NEBL: variants seen among roughly 807,000 people sequenced by gnomAD.
NEBL encodes the protein nebulette.
A neutral mutation model predicts 140.2 loss-of-function variants in NEBL; 122 were observed. The ratio of observed to expected loss-of-function variants is 0.87; its 90% CI spans 0.75 to 1.01. NEBL has a LOEUF of 1.01. Among genes scored for constraint, NEBL ranks in the 50% least tolerant of loss-of-function variants. The probability of loss-of-function intolerance (pLI) is 0.00; values close to 1 mark genes in which losing one functional copy is unlikely to be tolerated. For synonymous variants in NEBL, 436 were observed against 398.9 expected (o/e 1.09, Z -1.11); for missense variants, 1,365 against 1,231.3 (o/e 1.11, Z -1.62).
chr10:21,281,821 C>A (rs916221568), intron 1 of NEBL, among the ~76,000 whole-genome samples: 2 of 152,196 alleles, frequency 1.3e-5, no homozygotes, highest in Non-Finnish European at 2.9e-5. Flanking sequence ...TGTCCTCCCC[C>A]TTCTCATCCC....
intron 4 of NEBL, among the ~76,000 whole-genome samples, chr10:20,948,457 C>CT (rs1160530599): frequency 6.6e-6 from 1 of 152,150 alleles, no homozygotes; most frequent in Non-Finnish European, 1.5e-5. Context: ...TAAATAATGG[C>CT]TTACCCTTCA....
At chr10:20,798,638 G>T (rs995643406) in intron 26 of NEBL, among the ~76,000 whole-genome samples, 1 of 152,026 alleles carries the variant, frequency 6.6e-6, no homozygotes, top group Non-Finnish European at 1.5e-5. Context: ...AGCTCTTCCC[G>T]AAAAGCTTTC....
chr10:20,938,393 G>A (rs184941909), intron 4 of NEBL, among the ~76,000 whole-genome samples: 1 of 152,204 alleles, frequency 6.6e-6, no homozygotes, highest in Admixed American at 6.5e-5. Flanking sequence ...CTGTTAGAAG[G>A]AAAACTAACA....
At chr10:21,112,150 G>C (rs889424344) in intron 2 of NEBL, among the ~76,000 whole-genome samples, 1 of 152,060 alleles carries the variant, frequency 6.6e-6, no homozygotes, top group Non-Finnish European at 1.5e-5. Flanking sequence ...TGGGAGTGTA[G>C]ATTAGTTCAA....
At chr10:21,167,213 C>T (rs898875017) in intron 2 of NEBL, among the ~76,000 whole-genome samples, 1 of 152,122 alleles carries the variant, frequency 6.6e-6, no homozygotes, top group African/African-American at 2.4e-5. Context: ...CAACACTCAG[C>T]GCCTGCTGTT....
At chr10:20,989,464 G>A (rs966004942) in intron 3 of NEBL, among the ~76,000 whole-genome samples, 1 of 152,036 alleles carries the variant, frequency 6.6e-6, no homozygotes, top group African/African-American at 2.4e-5. Flanking sequence ...TAGCTTCAAC[G>A]TAACTCCAAC....
intron 4 of NEBL, among the ~76,000 whole-genome samples, chr10:20,950,913 C>A (rs529395591): frequency 2.0e-5 from 3 of 152,216 alleles, no homozygotes; most frequent in African/African-American, 7.2e-5. Flanking sequence ...TAAACACAGG[C>A]AAATTCTAAC....
At chr10:21,010,419 A>AT (rs35635365) in intron 3 of NEBL, among the ~76,000 whole-genome samples, 7,587 of 140,684 alleles carry the variant, frequency 0.054, 219 homozygotes, top group African/African-American at 0.08. Flanking sequence ...GAATTTTTTA[A>AT]TTTTTTTTTT....
At chr10:21,060,374 A>T (rs1174351389) in intron 2 of NEBL, among the ~76,000 whole-genome samples, 5 of 152,210 alleles carry the variant, frequency 3.3e-5, no homozygotes, top group Non-Finnish European at 5.9e-5. Flanking sequence ...CAAGGCACAG[A>T]ATTTTAGAGA....
At chr10:21,087,747 T>C (rs569964005) in intron 2 of NEBL, among the ~76,000 whole-genome samples, 3 of 152,354 alleles carry the variant, frequency 2.0e-5, no homozygotes, top group African/African-American at 7.2e-5. Flanking sequence ...CCACCCTAGT[T>C]TGCAGCCCTG....
chr10:21,073,983 G>A (rs1835943496), intron 2 of NEBL, among the ~76,000 whole-genome samples: 1 of 152,080 alleles, frequency 6.6e-6, no homozygotes, highest in African/African-American at 2.4e-5. Context: ...GCTGAGGCAG[G>A]AGGATGGCGT....
rs1405704518 is a variant in NEBL, at chr10:20,814,009, C to T, written c.2276G>A (p.Gly759Asp). The T allele has an allele frequency of 6.2e-7, 1 of 1,609,978 alleles. No individual in the cohort carries two copies. The highest frequency in any genetic ancestry group is 1.3e-5 in the African/African-American group (1 of 74,804). Residue 759 changes from glycine (G) to aspartate (D), a missense_variant, in exon 23 of 28, where the codon GGT becomes GAT. Physicochemically the swap from Gly to Asp is moderately conservative, Grantham distance 94. Transcript: ENST00000377122. Reference protein sequence around the residue: ...KYTQDHKQMKGRPSLILDTPA... With the variant: ...KYTQDHKQMKDRPSLILDTPA... ...TGTATCTAAAATCAGACTTGGTCTA[C>T]CTTTCATCTGTTTATGGTCCTGGGT... is the stretch of plus-strand genomic sequence containing the variant.
chr10:20,898,785 C>G (rs766818866), upstream of NEBL, among the ~76,000 whole-genome samples: 3 of 152,158 alleles, frequency 2.0e-5, no homozygotes, highest in Admixed American at 2.0e-4. Flanking sequence ...ATCTAATCTA[C>G]CTACCTACCT....
intron 3 of NEBL, among the ~76,000 whole-genome samples, chr10:21,246,148 C>T (rs1842514695): frequency 6.6e-6 from 1 of 152,182 alleles, no homozygotes; most frequent in Admixed American, 6.5e-5. Flanking sequence ...ACCACAAACT[C>T]CTCTAGAGCA....
At chr10:20,896,539 CA>C (rs1328786110) in intron 2 of NEBL, among the ~76,000 whole-genome samples, 2 of 123,288 alleles carry the variant, frequency 1.6e-5, no homozygotes, top group East Asian at 4.3e-4. Flanking sequence ...TTCTGGAAGA[CA>C]AGTCCATTCA....
intron 1 of NEBL, among the ~76,000 whole-genome samples, chr10:21,280,587 G>A (rs959863420): frequency 6.6e-6 from 1 of 151,394 alleles, no homozygotes; most frequent in African/African-American, 2.4e-5. Context: ...TCATGTAAGG[G>A]GCATTGTAGG....
intron 2 of NEBL, among the ~76,000 whole-genome samples, chr10:21,032,705 G>A (rs1042761759): frequency 4.6e-5 from 7 of 152,104 alleles, no homozygotes; most frequent in East Asian, 1.9e-4. Flanking sequence ...CCTCTCACAC[G>A]TGAAATACAA....
At chr10:21,051,203 G>A (rs1055640172) in intron 2 of NEBL, among the ~76,000 whole-genome samples, 2 of 152,204 alleles carry the variant, frequency 1.3e-5, no homozygotes, top group African/African-American at 4.8e-5. Flanking sequence ...AAGCCAATCA[G>A]AGCTTTGCGA....
chr10:21,166,243 AAAG>A (rs1564533513), intron 2 of NEBL, among the ~76,000 whole-genome samples: 1 of 102,796 alleles, frequency 9.7e-6, no homozygotes, highest in South Asian at 3.4e-4. Flanking sequence ...AAAAAAAAAA[AAAG>A]AAAAGAAAAA....
Sources: gnomAD v4.1 joint callset for allele counts (sites outside exome capture counted in the v4.1 genomes callset) on GRCh38, gnomAD v4.1.1 for gene constraint, MANE v1.5 for transcripts, NCBI Gene and HGNC (gene_info 2026-07-23, HGNC 2026-07-21) for gene names.